Variants in CEP112 observed in about 807,000 individuals in gnomAD.
The protein encoded by CEP112 is centrosomal protein 112.
Under a neutral mutation model 153.0 loss-of-function variants are expected in CEP112, and 127 were observed. That is an observed-to-expected ratio of 0.83 (90% CI 0.72 to 0.96). The LOEUF is 0.96. CEP112 is among the 40% of genes least tolerant of loss of function. The probability of loss-of-function intolerance (pLI) is 0.00; values close to 1 mark genes in which losing one functional copy is unlikely to be tolerated. For missense variants in CEP112, 1,089 were observed against 1,101.2 expected (o/e 0.99, Z 0.16); for synonymous variants, 358 against 374.4 (o/e 0.96, Z 0.51).
chr17:66,166,715 C>T (rs777572956), intron 4 of CEP112, among the ~76,000 whole-genome samples: 18 of 151,766 alleles, frequency 1.2e-4, no homozygotes, highest in Non-Finnish European at 7.4e-5. Flanking sequence ...CTGGCCAGCA[C>T]GATGAAACCT....
chr17:65,749,368 C>T (rs984842147), intron 22 of CEP112, among the ~76,000 whole-genome samples: 1 of 151,900 alleles, frequency 6.6e-6, no homozygotes, highest in Non-Finnish European at 1.5e-5. Flanking sequence ...ATTAGCTGGG[C>T]GTGGTGGCGG....
chr17:66,152,626 T>C (rs961869664), intron 4 of CEP112, among the ~76,000 whole-genome samples: 2 of 152,080 alleles, frequency 1.3e-5, no homozygotes, highest in African/African-American at 4.8e-5. Context: ...TAAAAGATGG[T>C]ATATCTCAGA....
intron 20 of CEP112, among the ~76,000 whole-genome samples, chr17:65,882,688 A>T (rs1007047291): frequency 6.6e-6 from 1 of 152,222 alleles, no homozygotes; most frequent in African/African-American, 2.4e-5. Context: ...CATGCACAGG[A>T]TAATGACATT....
chr17:65,638,854 G>A (rs2044933072), intron 25 of CEP112, among the ~76,000 whole-genome samples: 1 of 152,084 alleles, frequency 6.6e-6, no homozygotes, highest in Admixed American at 6.5e-5. Context: ...ACAGTGAAAT[G>A]ATATGAATGA....
chr17:65,977,333 A>C (rs2063074503), intron 17 of CEP112, among the ~76,000 whole-genome samples: 1 of 152,132 alleles, frequency 6.6e-6, no homozygotes. Flanking sequence ...CAGCTTCTGC[A>C]TTGAGTCAGT....
chr17:65,929,632 G>C (rs2061052543), intron 18 of CEP112, among the ~76,000 whole-genome samples: 1 of 121,176 alleles, frequency 8.3e-6, no homozygotes, highest in African/African-American at 2.8e-5. Context: ...TCTTCATTAG[G>C]GCTGTTTGTA....
At chr17:65,931,869 C>T (rs903472725) in intron 18 of CEP112, among the ~76,000 whole-genome samples, 22 of 152,198 alleles carry the variant, frequency 1.4e-4, no homozygotes, top group African/African-American at 5.3e-4. Flanking sequence ...GAGCCAAGCC[C>T]AAAACTACAC....
chr17:66,164,301 T>C (rs567067341), intron 4 of CEP112, among the ~76,000 whole-genome samples: 3 of 152,316 alleles, frequency 2.0e-5, no homozygotes, highest in South Asian at 2.1e-4. Context: ...CTCACGCCTG[T>C]AATCCCAGCA....
intron 23 of CEP112, among the ~76,000 whole-genome samples, chr17:65,722,293 G>C (rs1212036959): frequency 6.6e-6 from 1 of 152,178 alleles, no homozygotes; most frequent in Non-Finnish European, 1.5e-5. Context: ...TTGTTGCCCA[G>C]GCTGGAGTGC....
At chr17:66,005,608 G>A in intron 17 of CEP112, 82 bp downstream of exon 17, 3 of 1,461,938 alleles carry the variant, frequency 2.1e-6, no homozygotes, top group Non-Finnish European at 2.7e-6. Context: ...TAAAAATATA[G>A]TGTTTAGGTC....
chr17:65,861,890 C>T (rs141553121), intron 20 of CEP112, among the ~76,000 whole-genome samples: 1,876 of 152,294 alleles, frequency 0.012, 44 homozygotes, highest in African/African-American at 0.043. Flanking sequence ...ATCTCTTACA[C>T]GTGAACACCA....
At chr17:65,812,586 T>C (rs985773046) in intron 21 of CEP112, among the ~76,000 whole-genome samples, 4 of 152,200 alleles carry the variant, frequency 2.6e-5, no homozygotes, top group African/African-American at 9.7e-5. Flanking sequence ...TTGAAGGCTT[T>C]TATTGAACTA....
intron 20 of CEP112, among the ~76,000 whole-genome samples, chr17:65,877,070 CT>C (rs2058854178): frequency 1.3e-5 from 2 of 152,172 alleles, no homozygotes; most frequent in African/African-American, 4.8e-5. Flanking sequence ...ATGAGAAGCT[CT>C]GCACGTGTGT....
intron 20 of CEP112, among the ~76,000 whole-genome samples, chr17:65,884,071 T>A (rs190237399): frequency 1.0e-3 from 152 of 152,246 alleles, no homozygotes; most frequent in African/African-American, 3.6e-3. Flanking sequence ...AGAACACAGA[T>A]GAGAGACGGG....
In CEP112 at chr17:65,899,126, T is replaced by C. The variant is rs576711244; in HGVS notation, c.2163+3026A>G. Among the ~76,000 whole-genome samples, 5 of 152,300 alleles carry C rather than the reference T, an allele frequency of 3.3e-5. No homozygotes were observed. The East Asian group carries it at 9.6e-4, about 29-fold the overall frequency. ...AAATTTTCTTCATATTAAAATATGA[T>C]TGAATCAATGAGATCATTCTCCAAA... On this transcript the variant is annotated intron_variant, in intron 20 of 26. Transcript: ENST00000535342.
At chr17:65,942,796 G>C (rs766770929) in intron 18 of CEP112, among the ~76,000 whole-genome samples, 1 of 152,098 alleles carries the variant, frequency 6.6e-6, no homozygotes, top group Non-Finnish European at 1.5e-5. Flanking sequence ...TATTGGATGA[G>C]CATCTGGCAG....
At chr17:65,744,616 C>T (rs1324716193) in intron 22 of CEP112, among the ~76,000 whole-genome samples, 1 of 152,198 alleles carries the variant, frequency 6.6e-6, no homozygotes, top group Non-Finnish European at 1.5e-5. Flanking sequence ...AGGTTGTCCT[C>T]TTCCTAACTC....
chr17:65,652,980 G>A (rs1038995297), intron 24 of CEP112, among the ~76,000 whole-genome samples: 1 of 152,224 alleles, frequency 6.6e-6, no homozygotes, highest in Non-Finnish European at 1.5e-5. Flanking sequence ...CAATGTGTAT[G>A]TGGACCTCCC....
intron 21 of CEP112, among the ~76,000 whole-genome samples, chr17:65,805,915 G>A (rs1309966450): frequency 1.3e-5 from 2 of 152,126 alleles, no homozygotes; most frequent in Non-Finnish European, 2.9e-5. Flanking sequence ...ATGTTTACCA[G>A]TTCTGTATTA....
Sources: gnomAD v4.1 joint callset for allele counts (sites outside exome capture counted in the v4.1 genomes callset) on GRCh38, gnomAD v4.1.1 for gene constraint, MANE v1.5 for transcripts, NCBI Gene and HGNC (gene_info 2026-07-23, HGNC 2026-07-21) for gene names.